Variants in ERG observed in about 807,000 individuals in gnomAD.
The protein encoded by ERG is transcriptional regulator ERG.
ERG carries 9 observed loss-of-function variants against 55.3 expected under a neutral mutation model. That is an observed-to-expected ratio of 0.16 (90% CI 0.10 to 0.28). The LOEUF (loss-of-function observed/expected upper bound fraction) is 0.28, where lower values mean the gene tolerates loss of function less well. ERG is among the 10% of genes least tolerant of loss of function. The probability of loss-of-function intolerance (pLI) is 1.00; values close to 1 mark genes in which losing one functional copy is unlikely to be tolerated. For synonymous variants in ERG, 223 were observed against 237.3 expected, an observed-to-expected ratio of 0.94 and a Z score of 0.55; for missense variants, 434 against 631.6, an observed-to-expected ratio of 0.69 and a Z score of 3.35.
At chr21:38,475,040 A>T (rs2146633517) in intron 1 of ERG, among the ~76,000 whole-genome samples, 1 of 152,318 alleles carries the variant, frequency 6.6e-6, no homozygotes, top group Middle Eastern at 3.4e-3. Context: ...AAAATTAAAT[A>T]AGTTGCCTAG....
At chr21:38,603,430 T>C (rs58779165) in intron 1 of ERG, among the ~76,000 whole-genome samples, 10,936 of 151,750 alleles carry the variant, frequency 0.072, 785 homozygotes, top group African/African-American at 0.18. Flanking sequence ...ACCATCCTGG[T>C]CAACATGGTG....
intron 1 of ERG, among the ~76,000 whole-genome samples, chr21:38,581,165 G>A (rs1371266626): frequency 1.3e-5 from 2 of 152,284 alleles, no homozygotes; most frequent in East Asian, 1.9e-4. Context: ...CCTGGAATGG[G>A]GATGGGTTCA....
chr21:38,413,975 G>A (rs567471934), intron 3 of ERG, among the ~76,000 whole-genome samples: 9 of 152,138 alleles, frequency 5.9e-5, no homozygotes, highest in African/African-American at 1.9e-4. Context: ...TTTTCCTAGG[G>A]CTGCCGTAAC....
At chr21:38,633,560 C>G (rs928694060) in intron 1 of ERG, among the ~76,000 whole-genome samples, 2 of 152,158 alleles carry the variant, frequency 1.3e-5, no homozygotes. Flanking sequence ...TATATCAGCA[C>G]ACATGAATTA....
chr21:38,424,181 G>GCGCTCTCTCTCTCTCTCTCTCTCT (rs1555896858), intron 2 of ERG, among the ~76,000 whole-genome samples: 7 of 88,000 alleles, frequency 8.0e-5, no homozygotes, highest in African/African-American at 2.2e-4. Context: ...AGAGACCAGA[G>GCGCTCTCTCTCTCTCTCTCTCTCT]CTCGAGCTCT....
chr21:38,516,983 T>G (rs920581102), intron 2 of ERG, among the ~76,000 whole-genome samples: 1 of 152,062 alleles, frequency 6.6e-6, no homozygotes, highest in Non-Finnish European at 1.5e-5. Context: ...GATGAAAGAC[T>G]TAAACTTAAG....
At chr21:38,548,075 ATT>A (rs1412735101) in intron 2 of ERG, among the ~76,000 whole-genome samples, 1 of 152,176 alleles carries the variant, frequency 6.6e-6, no homozygotes, top group Non-Finnish European at 1.5e-5. Flanking sequence ...CTACCATTTC[ATT>A]CTCTTTAATT....
At chr21:38,485,134 G>C (rs2059271278) in intron 1 of ERG, among the ~76,000 whole-genome samples, 1 of 152,072 alleles carries the variant, frequency 6.6e-6, no homozygotes, top group Non-Finnish European at 1.5e-5. Flanking sequence ...AGACCTTCCA[G>C]TGGCACAGGG....
chr21:38,529,188 T>A (rs1055705483), intron 2 of ERG, among the ~76,000 whole-genome samples: 1 of 152,168 alleles, frequency 6.6e-6, no homozygotes, highest in African/African-American at 2.4e-5. Flanking sequence ...GAGGTGGTGT[T>A]TAGCAGGGCA....
intron 1 of ERG, among the ~76,000 whole-genome samples, chr21:38,449,646 A>G (rs2058922746): frequency 6.6e-6 from 1 of 152,244 alleles, no homozygotes; most frequent in African/African-American, 2.4e-5. Flanking sequence ...CATTTTCAGC[A>G]AAGTATTTCA....
chr21:38,525,189 C>G (rs934771820), intron 2 of ERG, among the ~76,000 whole-genome samples: 1 of 152,152 alleles, frequency 6.6e-6, no homozygotes, highest in Non-Finnish European at 1.5e-5. Context: ...TAACAGGATT[C>G]TCAAGCCCCT....
upstream of ERG, among the ~76,000 whole-genome samples, chr21:38,589,227 C>T (rs536132522): frequency 3.3e-5 from 5 of 152,318 alleles, no homozygotes; most frequent in South Asian, 4.1e-4. Flanking sequence ...CTGGACCCCA[C>T]GTGCGTGACA....
chr21:38,619,683 CTTCATAAATTAGCTAG>C (rs1301056693), intron 1 of ERG, among the ~76,000 whole-genome samples: 1 of 152,370 alleles, frequency 6.6e-6, no homozygotes, highest in African/African-American at 2.4e-5. Flanking sequence ...AGCCTTACGG[CTTCATAAATTAGCTAG>C]TCAGCTATTG....
chr21:38,631,135 T>C (rs2060353813), intron 1 of ERG, among the ~76,000 whole-genome samples: 1 of 152,134 alleles, frequency 6.6e-6, no homozygotes, highest in African/African-American at 2.4e-5. Flanking sequence ...AAATATTTGC[T>C]TTTTCCGGGG....
chr21:38,367,746 C>G, the ERG span: 10 of 441,682 alleles, frequency 2.3e-5, no homozygotes. Context: ...CACAGACTTT[C>G]ATCAACAATA....
rs33994175 is a variant in ERG at position 38,473,159 on chromosome 21, C to CAA, written c.18+25202_18+25203dup. 2.4e-3 allele frequency among the ~76,000 whole-genome samples: 256 copies of CAA among 105,972 alleles called. 1 individual carries two copies. Among genetic ancestry groups the CAA allele is most frequent in the Middle Eastern group, 5.3e-3 (1 of 190 alleles). The allele number at this position is 105,972 out of a possible 152,430, so 69.5% of individuals were successfully genotyped here. ...TTCAAAATGAAATGGAGGATGCGCTCAAAAAAAAAAAAAAAAAAAAGGCTT... is the reference window on the plus strand; with the variant it reads ...TTCAAAATGAAATGGAGGATGCGCTCAAAAAAAAAAAAAAAAAAAAAAGGCTT... On this transcript the variant is annotated intron_variant, in intron 1 of 9. Coordinates refer to ENST00000288319, the MANE Select transcript of ERG (RefSeq NM_182918.4).
In ERG at chr21:38,460,276, C is replaced by T. The variant is rs1185705654; in HGVS notation, c.19-14655G>A. On this transcript the variant is annotated intron_variant, in intron 1 of 9. Transcript: ENST00000288319. This position sits in a 1 kb window ranked among gnomAD's most constrained non-coding sequence, Gnocchi z 5.0. Reference sequence around the variant, plus strand: ...CAGGAAAGGCTGGGGGTGGTAGAGCCTTGCAGGCCATGGCAGGAACCTGGG... The same window carrying T: ...CAGGAAAGGCTGGGGGTGGTAGAGCTTTGCAGGCCATGGCAGGAACCTGGG... 6.6e-6 allele frequency among the ~76,000 whole-genome samples: 1 copy of T among 152,134 alleles called. No homozygotes were observed. Among genetic ancestry groups the T allele is most frequent in the Non-Finnish European group, 1.5e-5 (1 of 68,024 alleles).
intron 1 of ERG, chr21:38,471,787 G>C (rs1222614531): frequency 6.6e-6 from 1 of 152,190 alleles, no homozygotes; most frequent in South Asian, 2.1e-4. Context: ...ACATCTATTT[G>C]TTAATAATGG....
At chr21:38,491,298 T>G (rs1220530483) in intron 1 of ERG, among the ~76,000 whole-genome samples, 2 of 151,424 alleles carry the variant, frequency 1.3e-5, no homozygotes. Context: ...TCTGAATGAA[T>G]GGCCTTGGGG....
Sources: gnomAD v4.1 joint callset for allele counts (sites outside exome capture counted in the v4.1 genomes callset) on GRCh38, gnomAD v4.1.1 for gene constraint, Gnocchi (gnomAD v3.1) non-coding constraint, MANE v1.5 for transcripts, NCBI Gene and HGNC (gene_info 2026-07-23, HGNC 2026-07-21) for gene names.